SLC22A9: variants seen among roughly 807,000 people sequenced by gnomAD.
The protein encoded by SLC22A9 is solute carrier family 22 member 9.
In SLC22A9, 64 loss-of-function variants were observed where a neutral mutation model predicts 50.1. The ratio of observed to expected loss-of-function variants is 1.28; its 90% CI spans 1.04 to 1.57. The LOEUF (loss-of-function observed/expected upper bound fraction) is 1.57, where lower values mean the gene tolerates loss of function less well. SLC22A9 is among the 40% of genes most tolerant of loss of function. The probability of loss-of-function intolerance (pLI) is 0.00; values close to 1 mark genes in which losing one functional copy is unlikely to be tolerated. For missense variants in SLC22A9, 757 were observed against 676.1 expected (o/e 1.12, Z -1.33); for synonymous variants, 261 against 242.5 (o/e 1.08, Z -0.71).
At chr11:63,370,859 A>G (rs187018733) in intron 1 of SLC22A9, among the ~76,000 whole-genome samples, 1 of 152,298 alleles carries the variant, frequency 6.6e-6, no homozygotes, top group East Asian at 1.9e-4. Flanking sequence ...TAGGTTTCTA[A>G]AAGTTTTTAA....
intron 6 of SLC22A9, among the ~76,000 whole-genome samples, chr11:63,397,154 G>A (rs1177986754): frequency 6.6e-6 from 1 of 152,034 alleles, no homozygotes; most frequent in African/African-American, 2.4e-5. Flanking sequence ...TCATGGTCAT[G>A]GATAACATCC....
rs71065364 is a variant in SLC22A9 at position 63,386,434 on chromosome 11, C to CTTTTT, written c.1073+4187_1073+4191dup. Among the ~76,000 whole-genome samples, 99 of 33,504 alleles carry CTTTTT rather than the reference C, an allele frequency of 3.0e-3. 16 individuals carry two copies. The highest frequency in any genetic ancestry group is 3.4e-3 in the Non-Finnish European group (74 of 21,782). The allele number at this position is 33,504 out of a possible 152,430, so 22.0% of individuals were successfully genotyped here. Reference sequence around the variant, plus strand: ...AGCTATAAATCCACGTGGACCTGGACTTTTTTTTTTTTTTTTTTTTTTTTT... The same window carrying CTTTTT: ...AGCTATAAATCCACGTGGACCTGGACTTTTTTTTTTTTTTTTTTTTTTTTTTTTTT... On this transcript the variant is annotated intron_variant, in intron 6 of 9. Transcript: ENST00000279178.
In SLC22A9 at chr11:63,398,532, G is replaced by A. The variant is rs566050143; in HGVS notation, c.1074-7965G>A. On this transcript the variant is annotated intron_variant, in intron 6 of 9. Coordinates refer to ENST00000279178, the MANE Select transcript of SLC22A9 (RefSeq NM_080866.3). ...GGATGGGCGATTCCCCTCTGGCTAGGGCTGGTCTAAATGCTCCCTCCATGG... is the reference window on the plus strand; with the variant it reads ...GGATGGGCGATTCCCCTCTGGCTAGAGCTGGTCTAAATGCTCCCTCCATGG... 7.2e-5 allele frequency among the ~76,000 whole-genome samples: 11 copies of A among 152,220 alleles called. No individual in the cohort carries two copies. In the South Asian group the frequency reaches 1.2e-3, roughly 17 times the overall value.
At chr11:63,375,511 T>G in intron 4 of SLC22A9, 134 bp from the exon 5 acceptor site, 10 of 1,238,374 alleles carry the variant, frequency 8.1e-6, no homozygotes, top group Non-Finnish European at 1.0e-5. Flanking sequence ...AAAGAGAATG[T>G]GAGTTTACAT....
Position 63,371,213 on chromosome 11 carries a change from A to C in SLC22A9, c.481A>C (p.Ile161Leu), listed in dbSNP as rs1334162979. 1 of 1,613,154 alleles carries C rather than the reference A, an allele frequency of 6.2e-7. No homozygotes were observed. Among genetic ancestry groups the C allele is most frequent in the Non-Finnish European group, 8.5e-7 (1 of 1,179,400 alleles). ...CATGGCTGGAATGATGGTGGGAGGCATCCTAGGCGGTCATTTATCAGACAG... is the reference window on the plus strand; with the variant it reads ...CATGGCTGGAATGATGGTGGGAGGCCTCCTAGGCGGTCATTTATCAGACAG... ...VFMAGMMVGG[I>L]LGGHLSDRFG... The change falls in exon 2 of 10, where the codon ATC (isoleucine) becomes CTC (leucine). Residue 161 changes from isoleucine (I) to leucine (L), a missense_variant. Coordinates refer to ENST00000279178, the MANE Select transcript of SLC22A9 (RefSeq NM_080866.3).
intron 6 of SLC22A9, among the ~76,000 whole-genome samples, chr11:63,386,706 T>C (rs1473226195): frequency 6.6e-6 from 1 of 151,828 alleles, no homozygotes; most frequent in Non-Finnish European, 1.5e-5. Flanking sequence ...TATTTGAGTC[T>C]TGTCTCTTTT....
intron 9 of SLC22A9, 130 bp from the exon 10 acceptor site, chr11:63,409,672 G>A (rs977446512): frequency 7.0e-6 from 6 of 859,784 alleles, no homozygotes; most frequent in Non-Finnish European, 9.1e-6. Context: ...TCCCTTGGGG[G>A]CAGAGATATG....
chr11:63,400,396 G>T (rs971665751), intron 6 of SLC22A9, among the ~76,000 whole-genome samples: 3 of 152,110 alleles, frequency 2.0e-5, no homozygotes, highest in Non-Finnish European at 4.4e-5. Context: ...CCAATAAATT[G>T]AAAACCCTAG....
intron 6 of SLC22A9, among the ~76,000 whole-genome samples, chr11:63,388,363 G>GT (rs771464400): frequency 0.025 from 3,623 of 144,154 alleles, 76 homozygotes; most frequent in African/African-American, 0.059. Flanking sequence ...TTTTCGAGAG[G>GT]TTTTTTTTTT....
chr11:63,389,305 T>C (rs576986755), intron 6 of SLC22A9, among the ~76,000 whole-genome samples: 61 of 151,966 alleles, frequency 4.0e-4, no homozygotes, highest in African/African-American at 1.4e-3. Flanking sequence ...ATGCATTAGG[T>C]ATTTGTCTTA....
chr11:63,371,286 C>A, intron 2 of SLC22A9, 48 bp downstream of exon 2: 1 of 1,356,908 alleles, frequency 7.4e-7, no homozygotes, highest in Non-Finnish European at 1.0e-6. Context: ...TTTTTATCAA[C>A]TTATGAAACA....
At chr11:63,375,028 A>G (rs1260492495) in intron 4 of SLC22A9, among the ~76,000 whole-genome samples, 1 of 152,194 alleles carries the variant, frequency 6.6e-6, no homozygotes, top group Non-Finnish European at 1.5e-5. Context: ...AGATGATTAC[A>G]GATTTAATAC....
intron 6 of SLC22A9, among the ~76,000 whole-genome samples, chr11:63,384,327 GT>G (rs2014622670): frequency 6.6e-6 from 1 of 152,090 alleles, no homozygotes; most frequent in Admixed American, 6.5e-5. Flanking sequence ...AGTGTGTGTT[GT>G]TTCTCTCCCT....
At chr11:63,387,949 T>C (rs1251480548) in intron 6 of SLC22A9, among the ~76,000 whole-genome samples, 2 of 152,084 alleles carry the variant, frequency 1.3e-5, no homozygotes, top group Non-Finnish European at 2.9e-5. Flanking sequence ...TTTAGATGGT[T>C]CCTTATTGGC....
intron 5 of SLC22A9, among the ~76,000 whole-genome samples, chr11:63,380,652 T>A (rs192677261): frequency 6.6e-6 from 1 of 152,120 alleles, no homozygotes; most frequent in Non-Finnish European, 1.5e-5. Flanking sequence ...GAGATTTGTA[T>A]ACATACACAC....
At chr11:63,386,837 T>G (rs12277519) in intron 6 of SLC22A9, among the ~76,000 whole-genome samples, 1 of 139,470 alleles carries the variant, frequency 7.2e-6, no homozygotes, top group Admixed American at 6.8e-5. Context: ...TTTGTTTTTT[T>G]GTTTTGTTTT....
At position 63,369,946 on chromosome 11, in the gene SLC22A9, C is replaced by A; in HGVS notation, c.-111C>A. ...ACAGTCGTCAAGAAGAGAGTGGGGT[C>A]AGGATCAAAACACATTTAGTGTGAC... On this transcript the variant is annotated 5_prime_UTR_variant, in exon 1 of 10. Transcript: ENST00000279178. 3 of 1,086,854 alleles carry A rather than the reference C, an allele frequency of 2.8e-6. No individual in the cohort carries two copies. The highest frequency in any genetic ancestry group is 3.9e-6 in the Non-Finnish European group (3 of 765,794). The allele number at this position is 1,086,854 out of a possible 1,614,324, so 67.3% of individuals were successfully genotyped here.
Position 63,370,399 on chromosome 11 carries a change from C to T in SLC22A9, c.343C>T (p.Pro115Ser), listed in dbSNP as rs1345427118. The change falls in exon 1 of 10, where the codon CCC becomes TCC. Residue 115 changes from proline to serine, a missense_variant. Pro to Ser is a moderately conservative substitution (Grantham distance 74). Coordinates refer to ENST00000279178, the MANE Select transcript of SLC22A9 (RefSeq NM_080866.3). ...CAACACAAGTGACGCAGACATGGAGCCCTGTGTGGATGGCTGGGTGTATGA... is the reference window on the plus strand; with the variant it reads ...CAACACAAGTGACGCAGACATGGAGTCCTGTGTGGATGGCTGGGTGTATGA... ...FPNTSDADMEPCVDGWVYDRI... is the reference protein window; with the variant it reads ...FPNTSDADMESCVDGWVYDRI... 1 of 1,612,610 alleles carries T rather than the reference C, an allele frequency of 6.2e-7. No individual in the cohort carries two copies. Among genetic ancestry groups the T allele is most frequent in the Middle Eastern group, 1.7e-4 (1 of 6,036 alleles).
intron 6 of SLC22A9, among the ~76,000 whole-genome samples, chr11:63,405,017 G>A (rs1270912064): frequency 6.6e-6 from 1 of 152,082 alleles, no homozygotes; most frequent in African/African-American, 2.4e-5. Flanking sequence ...AGATGAGGCA[G>A]AAATGAAGCA....
Sources: gnomAD v4.1 joint callset for allele counts (sites outside exome capture counted in the v4.1 genomes callset) on GRCh38, gnomAD v4.1.1 for gene constraint, MANE v1.5 for transcripts, NCBI Gene and HGNC (gene_info 2026-07-23, HGNC 2026-07-21) for gene names.